The following NNMT variants were observed in gnomAD, a reference collection of about 807,000 sequenced individuals.
The protein encoded by NNMT is nicotinamide N-methyltransferase.
In NNMT, 10 loss-of-function variants were observed where a neutral mutation model predicts 11.7. The ratio of observed to expected loss-of-function variants is 0.85; its 90% CI spans 0.53 to 1.45. NNMT has a LOEUF of 1.45. NNMT is among the 40% of genes most tolerant of loss of function. NNMT has a pLI of 0.00. For synonymous variants in NNMT, 143 were observed against 133.8 expected (o/e 1.07, Z -0.48); for missense variants, 381 against 319.4 (o/e 1.19, Z -1.47).
intron 2 of NNMT, among the ~76,000 whole-genome samples, chr11:114,281,133 G>A (rs902738959): frequency 6.6e-6 from 1 of 152,164 alleles, no homozygotes; most frequent in African/African-American, 2.4e-5. Flanking sequence ...CTGGCCTCTG[G>A]AGGAGAATTC....
chr11:114,312,742 T>G lies in NNMT; in HGVS notation c.*265T>G. On this transcript the variant is annotated 3_prime_UTR_variant, in exon 3 of 3. Transcript: ENST00000299964. The stretch of plus-strand genomic sequence containing the variant: ...CTGTGCTTACAAAAGAAGACCTCAC[T>G]TCCCTAAACATCTAGTTATGGCGGC... 1 of 450,112 alleles carries G rather than the reference T, an allele frequency of 2.2e-6. No individual in the cohort carries two copies. Among genetic ancestry groups the G allele is most frequent in the Non-Finnish European group, 4.0e-6 (1 of 252,480 alleles). 27.9% of individuals were successfully genotyped at this position (450,112 alleles called of 1,614,324 possible). A position where few individuals can be genotyped will look rare whatever the true frequency, so the allele number is the denominator to read the frequency against.
chr11:114,272,782 T>C (rs551516637), intron 2 of NNMT, among the ~76,000 whole-genome samples: 2 of 152,298 alleles, frequency 1.3e-5, no homozygotes, highest in South Asian at 2.1e-4. Context: ...GGTTAGACCA[T>C]TGAAATCAAA....
intron 2 of NNMT, among the ~76,000 whole-genome samples, chr11:114,273,668 C>T (rs1945189543): frequency 6.6e-6 from 1 of 152,012 alleles, no homozygotes; most frequent in Non-Finnish European, 1.5e-5. Context: ...GGTGAAACCC[C>T]GTCTCTACTA....
At chr11:114,293,557 A>G (rs67174547), upstream of NNMT, among the ~76,000 whole-genome samples, 102,066 of 146,082 alleles carry the variant, frequency 0.7, 36,086 homozygotes, top group Admixed American at 0.79. Flanking sequence ...ATCATATCTC[A>G]TAGTTTTGAT....
At chr11:114,287,928 T>C (rs1393507405) in intron 2 of NNMT, among the ~76,000 whole-genome samples, 1 of 152,214 alleles carries the variant, frequency 6.6e-6, no homozygotes, top group Non-Finnish European at 1.5e-5. Context: ...AATTTTATTA[T>C]TTTCTCCATT....
At chr11:114,259,647 C>A (rs545153740) in intron 1 of NNMT, among the ~76,000 whole-genome samples, 1 of 152,260 alleles carries the variant, frequency 6.6e-6, no homozygotes, top group South Asian at 2.1e-4. Flanking sequence ...GGCAGGAGGG[C>A]AGGCTCCTCT....
At chr11:114,303,920 T>G (rs1449969746) in intron 2 of NNMT, among the ~76,000 whole-genome samples, 1 of 152,200 alleles carries the variant, frequency 6.6e-6, no homozygotes, top group Non-Finnish European at 1.5e-5. Context: ...CCCAGGCCGG[T>G]GAGAGCCTAT....
intron 2 of NNMT, among the ~76,000 whole-genome samples, chr11:114,282,537 A>G (rs760043540): frequency 5.9e-5 from 9 of 152,202 alleles, no homozygotes; most frequent in Non-Finnish European, 1.0e-4. Flanking sequence ...CCCAATTTGC[A>G]TGTCCTTTTT....
chr11:114,276,439 T>A (rs1409830250), intron 2 of NNMT, among the ~76,000 whole-genome samples: 2 of 152,156 alleles, frequency 1.3e-5, no homozygotes, highest in Non-Finnish European at 2.9e-5. Flanking sequence ...GGGGCAGGAT[T>A]TCCAGATGCC....
intron 1 of NNMT, among the ~76,000 whole-genome samples, chr11:114,258,123 C>T (rs1329803614): frequency 2.6e-5 from 4 of 152,214 alleles, no homozygotes; most frequent in Non-Finnish European, 4.4e-5. Flanking sequence ...CAATTGTGGG[C>T]AGCCTCCTCC....
intron 1 of NNMT, chr11:114,262,784 A>G (rs940419968): frequency 3.3e-5 from 5 of 152,206 alleles, no homozygotes; most frequent in African/African-American, 1.2e-4. Flanking sequence ...CTGGCTCCCT[A>G]TCACCTGTCA....
At position 114,298,155 on chromosome 11, in the gene NNMT, A is replaced by C. The variant is rs776803192; in HGVS notation, c.359A>C (p.Asn120Thr). 3 of 1,613,946 alleles carry C rather than the reference A, an allele frequency of 1.9e-6. No individual in the cohort carries two copies. In the Admixed American group the frequency reaches 5.0e-5, roughly 27 times the overall value. The change falls in exon 2 of 3, where the codon AAC becomes ACC. Residue 120 changes from asparagine to threonine, a missense_variant. Coordinates refer to ENST00000299964, the MANE Select transcript of NNMT (RefSeq NM_006169.3). Reference protein sequence around the residue: ...VVTYVCDLEGNRVKGPEKEEK... With the variant: ...VVTYVCDLEGTRVKGPEKEEK... ...ACCTATGTGTGTGATCTTGAAGGGA[A>C]CAGGTAGAGAAACTGGTGTCTACTT...
chr11:114,260,526 C>G (rs1270394403), intron 1 of NNMT, among the ~76,000 whole-genome samples: 1 of 152,212 alleles, frequency 6.6e-6, no homozygotes, highest in Non-Finnish European at 1.5e-5. Context: ...CTCACACATC[C>G]AGGGATGTCT....
intron 2 of NNMT, among the ~76,000 whole-genome samples, chr11:114,288,011 C>T (rs1219954818): frequency 6.6e-6 from 1 of 152,100 alleles, no homozygotes; most frequent in East Asian, 1.9e-4. Flanking sequence ...TGGGCAATGT[C>T]TGTTTTAAAT....
At chr11:114,308,412 C>T (rs1945512121) in intron 2 of NNMT, among the ~76,000 whole-genome samples, 3 of 152,126 alleles carry the variant, frequency 2.0e-5, no homozygotes, top group African/African-American at 7.2e-5. Flanking sequence ...TGAGACAGGG[C>T]AGGAGGAACC....
rs548307941 is a variant in NNMT, at chr11:114,282,679, A to G, written c.-129-13749A>G. Among the ~76,000 whole-genome samples, 2 of 152,144 alleles carry G rather than the reference A, an allele frequency of 1.3e-5. 1 individual carries two copies. The highest frequency in any genetic ancestry group is 4.2e-4 in the South Asian group (2 of 4,800). ...GTGTCCTCAAAACCCTCGCATTCCA[A>G]TCTCCTCCGAGAGCTCTCTCCCCTC... On this transcript the variant is annotated intron_variant, in intron 2 of 4. Coordinates refer to the NNMT transcript ENST00000535401.
chr11:114,280,338 C>G (rs777638262), intron 2 of NNMT, among the ~76,000 whole-genome samples: 35 of 152,048 alleles, frequency 2.3e-4, no homozygotes, highest in South Asian at 2.1e-4. Context: ...TGGGCTCACA[C>G]AGCCAGATGG....
At chr11:114,296,842 TA>T (rs1945385908) in intron 1 of NNMT, 132 bp downstream of exon 1, 1 of 829,514 alleles carries the variant, frequency 1.2e-6, no homozygotes, top group Non-Finnish European at 1.9e-6. Flanking sequence ...TTAACTAGGA[TA>T]AAAACGAATA....
intron 2 of NNMT, among the ~76,000 whole-genome samples, chr11:114,307,651 A>T (rs1005948803): frequency 8.2e-6 from 1 of 121,414 alleles, no homozygotes; most frequent in African/African-American, 3.0e-5. Context: ...GTCATGGTCC[A>T]CAAAGCCCTG....
Sources: allele counts gnomAD v4.1 joint callset (sites outside exome capture counted in the v4.1 genomes callset), GRCh38; gene constraint gnomAD v4.1.1; transcripts MANE v1.5; gene names NCBI Gene and HGNC (gene_info 2026-07-23, HGNC 2026-07-21).